The following ATP2B2 variants were observed in gnomAD, a reference collection of about 807,000 sequenced individuals.
The protein encoded by ATP2B2 is ATPase plasma membrane Ca2+ transporting 2.
In ATP2B2, 15 loss-of-function variants were observed where a neutral mutation model predicts 120.0. The ratio of observed to expected loss-of-function variants is 0.12; its 90% CI spans 0.08 to 0.19. The LOEUF (loss-of-function observed/expected upper bound fraction) is 0.19. ATP2B2 is among the 10% of genes least tolerant of loss of function. The pLI is 1.00. For synonymous variants in ATP2B2, 694 were observed against 700.3 expected (o/e 0.99, Z 0.14); for missense variants, 1,045 against 1,719.8 (o/e 0.61, Z 6.94).
intron 2 of ATP2B2, among the ~76,000 whole-genome samples, chr3:10,597,945 C>T (rs1317898429): frequency 2.6e-5 from 4 of 152,146 alleles, no homozygotes; most frequent in African/African-American, 9.7e-5. Flanking sequence ...ATTGGGTAAA[C>T]ATCACATTTC....
chr3:10,361,143 C>T (rs1029768223), intron 12 of ATP2B2, among the ~76,000 whole-genome samples: 13 of 152,156 alleles, frequency 8.5e-5, no homozygotes, highest in Non-Finnish European at 1.6e-4. Flanking sequence ...CAGACTGTCC[C>T]TCATGAGTTC....
At chr3:10,414,241 C>A (rs1030423579) in intron 2 of ATP2B2, among the ~76,000 whole-genome samples, 2 of 152,068 alleles carry the variant, frequency 1.3e-5, no homozygotes, top group East Asian at 1.9e-4. Context: ...CTGAGTTCTG[C>A]GATTCAGAAG....
intron 12 of ATP2B2, among the ~76,000 whole-genome samples, chr3:10,362,097 A>G (rs2060916760): frequency 1.3e-5 from 2 of 152,240 alleles, no homozygotes; most frequent in Admixed American, 6.5e-5. Context: ...CTGAAAGACA[A>G]CAGAGATAAA....
intron 2 of ATP2B2, among the ~76,000 whole-genome samples, chr3:10,603,946 C>T (rs538364274): frequency 6.6e-6 from 1 of 152,310 alleles, no homozygotes; most frequent in South Asian, 2.1e-4. Context: ...AGCCCTCCCT[C>T]CCCTGAGAGA....
intron 3 of ATP2B2, among the ~76,000 whole-genome samples, chr3:10,526,727 G>C (rs1261289572): frequency 1.3e-5 from 2 of 152,124 alleles, no homozygotes; most frequent in African/African-American, 2.4e-5. Flanking sequence ...GAAAGAATAG[G>C]GACTGAGGGG....
At position 10,518,927 on chromosome 3, in the gene ATP2B2, G is replaced by T. The variant is rs539843451; in HGVS notation, c.-320+15112C>A. Among the ~76,000 whole-genome samples the T allele has an allele frequency of 1.4e-4, 21 of 152,348 alleles. 1 individual carries two copies. The highest frequency in any genetic ancestry group is 8.5e-4 in the Admixed American group (13 of 15,304). ...TAAGAGCCATCATACTCTCCGGCCA[G>T]GCTGGGCTGTGGTGAAGATAAACTG... On this transcript the variant is annotated intron_variant, in intron 3 of 21. Transcript: ENST00000646379.
At chr3:10,412,158 G>A (rs1215909032) in intron 2 of ATP2B2, among the ~76,000 whole-genome samples, 1 of 152,202 alleles carries the variant, frequency 6.6e-6, no homozygotes, top group East Asian at 1.9e-4. Flanking sequence ...CCCATGCTGT[G>A]CCCTTCCCTG....
At chr3:10,658,803 G>A (rs368999465) in intron 1 of ATP2B2, among the ~76,000 whole-genome samples, 21 of 151,774 alleles carry the variant, frequency 1.4e-4, no homozygotes, top group East Asian at 5.8e-4. Flanking sequence ...CAGATTCACC[G>A]AAGTTGAAAT....
At chr3:10,654,202 C>T (rs972117409) in intron 1 of ATP2B2, among the ~76,000 whole-genome samples, 3 of 152,194 alleles carry the variant, frequency 2.0e-5, no homozygotes, top group South Asian at 2.1e-4. Context: ...AGGGTGGACT[C>T]GGAACTTAAA....
At chr3:10,447,753 G>A (rs1341918558) in intron 2 of ATP2B2, among the ~76,000 whole-genome samples, 1 of 152,198 alleles carries the variant, frequency 6.6e-6, no homozygotes, top group Non-Finnish European at 1.5e-5. Flanking sequence ...CAAAGCCGAT[G>A]CCCATTTTAC....
intron 2 of ATP2B2, among the ~76,000 whole-genome samples, chr3:10,544,608 C>T (rs1187539528): frequency 6.6e-6 from 1 of 152,174 alleles, no homozygotes; most frequent in Non-Finnish European, 1.5e-5. Context: ...TTTAATGGCA[C>T]CAAGATGAAG....
chr3:10,568,225 G>T (rs898328081), intron 2 of ATP2B2, among the ~76,000 whole-genome samples: 1 of 152,220 alleles, frequency 6.6e-6, no homozygotes, highest in Non-Finnish European at 1.5e-5. Flanking sequence ...GGCCACAAAG[G>T]AAGAATGGGG....
At chr3:10,510,565 G>A (rs193179787), upstream of ATP2B2, among the ~76,000 whole-genome samples, 5 of 152,372 alleles carry the variant, frequency 3.3e-5, no homozygotes, top group East Asian at 5.8e-4. Flanking sequence ...AGCCCCGTGA[G>A]GGTCCACCCT....
At chr3:10,430,745 C>T (rs1454360199) in intron 2 of ATP2B2, among the ~76,000 whole-genome samples, 8 of 149,598 alleles carry the variant, frequency 5.3e-5, no homozygotes, top group East Asian at 2.1e-4. Flanking sequence ...GTCAGCTGAG[C>T]GAGAGCCAAG....
chr3:10,700,132 C>T (rs151322668), intron 1 of ATP2B2, among the ~76,000 whole-genome samples: 13 of 152,090 alleles, frequency 8.5e-5, no homozygotes, highest in Non-Finnish European at 1.9e-4. Flanking sequence ...GTGTGCTATA[C>T]TTCTGATGAC....
chr3:10,550,798 C>G (rs2067651857), intron 2 of ATP2B2, among the ~76,000 whole-genome samples: 1 of 152,170 alleles, frequency 6.6e-6, no homozygotes, highest in South Asian at 2.1e-4. Context: ...GAAATCCATG[C>G]CGGGTGAGGT....
At chr3:10,398,290 G>C (rs1417123926) in intron 5 of ATP2B2, among the ~76,000 whole-genome samples, 1 of 152,166 alleles carries the variant, frequency 6.6e-6, no homozygotes, top group Non-Finnish European at 1.5e-5. Flanking sequence ...TCTCCTTCCT[G>C]CCCACAAGGA....
At chr3:10,472,210 C>G (rs114924124) in intron 1 of ATP2B2, among the ~76,000 whole-genome samples, 2,099 of 139,968 alleles carry the variant, frequency 0.015, 39 homozygotes, top group African/African-American at 0.048. Flanking sequence ...AAGATGGGAG[C>G]CGGGAGGCCC....
At chr3:10,605,454 T>A (rs747856316) in intron 2 of ATP2B2, among the ~76,000 whole-genome samples, 3 of 152,188 alleles carry the variant, frequency 2.0e-5, no homozygotes, top group Non-Finnish European at 2.9e-5. Context: ...TCTTTCTTTT[T>A]CCCTGCCTGA....
Sources: allele counts gnomAD v4.1 joint callset (sites outside exome capture counted in the v4.1 genomes callset), GRCh38; gene constraint gnomAD v4.1.1; transcripts MANE v1.5; gene names NCBI Gene and HGNC (gene_info 2026-07-23, HGNC 2026-07-21).